Variants in GRM7 observed in about 807,000 individuals in gnomAD.
GRM7 encodes the protein metabotropic glutamate receptor 7.
Under a neutral mutation model 84.5 loss-of-function variants are expected in GRM7, and 35 were observed. The ratio of observed to expected loss-of-function variants is 0.41; its 90% CI spans 0.32 to 0.55. GRM7 has a LOEUF of 0.55. Ranked by LOEUF, GRM7 falls within the 20% of genes least tolerant of loss-of-function variation. The probability of loss-of-function intolerance (pLI) is 0.19; values close to 1 mark genes in which losing one functional copy is unlikely to be tolerated. For missense variants in GRM7, 1,003 were observed against 1,194.6 expected (o/e 0.84, Z 2.36); for synonymous variants, 487 against 455.1 (o/e 1.07, Z -0.89).
chr3:7,379,165 C>T (rs143335232), intron 4 of GRM7, among the ~76,000 whole-genome samples: 3,909 of 152,180 alleles, frequency 0.026, 165 homozygotes, highest in African/African-American at 0.089. Flanking sequence ...CTCTGCCTCT[C>T]AGGTTCAAGC....
chr3:7,096,102 A>C (rs1255878632), intron 1 of GRM7, among the ~76,000 whole-genome samples: 1 of 152,128 alleles, frequency 6.6e-6, no homozygotes, highest in Non-Finnish European at 1.5e-5. Context: ...AAGTTCTATC[A>C]TGCCAGTGAA....
At chr3:7,010,101 G>A (rs1258916935) in intron 1 of GRM7, among the ~76,000 whole-genome samples, 2 of 152,188 alleles carry the variant, frequency 1.3e-5, no homozygotes, top group African/African-American at 4.8e-5. Context: ...GTGTGGGCCA[G>A]TAGATAGAAA....
intron 1 of GRM7, among the ~76,000 whole-genome samples, chr3:6,941,783 T>C (rs1227240279): frequency 6.6e-6 from 1 of 152,228 alleles, no homozygotes; most frequent in Non-Finnish European, 1.5e-5. Flanking sequence ...CATATATTCA[T>C]GAGGCATTTG....
intron 8 of GRM7, chr3:7,607,621 C>T (rs1696643468): frequency 6.6e-6 from 1 of 151,830 alleles, no homozygotes; most frequent in Admixed American, 6.6e-5. Flanking sequence ...AGTAAATAGC[C>T]ACTGTTGCAC....
intron 4 of GRM7, among the ~76,000 whole-genome samples, chr3:7,348,786 GT>G: frequency 6.6e-6 from 1 of 152,102 alleles, no homozygotes; most frequent in East Asian, 1.9e-4. Context: ...GGCAATCTGT[GT>G]TTGTACAAGC....
rs1694766010 is a variant in GRM7 at position 6,861,871 on chromosome 3, C to A, written c.483C>A (p.Val161=). Residue 161 remains valine (V), a synonymous_variant, in exon 1 of 10, where the codon GTC becomes GTA. Coordinates refer to ENST00000357716, the MANE Select transcript of GRM7 (RefSeq NM_000844.4). This position sits in a 1 kb window ranked among gnomAD's most constrained non-coding sequence, Gnocchi z 6.4. ...VGVIGASGSS[V]SIMVANILRL... The stretch of plus-strand genomic sequence containing the variant: ...TGATTGGGGCTTCGGGGAGTTCGGT[C>A]TCCATCATGGTAGCCAACATCCTGA... 3 of 1,613,690 alleles carry A rather than the reference C, an allele frequency of 1.9e-6. No homozygotes were observed. The highest frequency in any genetic ancestry group is 2.5e-6 in the Non-Finnish European group (3 of 1,179,838).
At chr3:7,212,198 T>C (rs1013673022) in intron 2 of GRM7, among the ~76,000 whole-genome samples, 25 of 150,308 alleles carry the variant, frequency 1.7e-4, no homozygotes, top group African/African-American at 5.8e-4. Flanking sequence ...CTTTGGGTCT[T>C]TTTTTTTTTT....
Position 7,515,232 on chromosome 3 carries a change from A to G in GRM7, c.1515+53510A>G, listed in dbSNP as rs547347428. Among the ~76,000 whole-genome samples, 5 of 150,260 alleles carry G rather than the reference A, an allele frequency of 3.3e-5. No homozygotes were observed. In the South Asian group the frequency reaches 8.4e-4, roughly 25 times the overall value. On this transcript the variant is annotated intron_variant, in intron 7 of 9. Coordinates refer to ENST00000357716, the MANE Select transcript of GRM7 (RefSeq NM_000844.4). ...AGGACAAAAAAAAAAAAAAAAAGACATCAAATATTTTCTCTTAACTCAGTT... is the reference window on the plus strand; with the variant it reads ...AGGACAAAAAAAAAAAAAAAAAGACGTCAAATATTTTCTCTTAACTCAGTT...
At chr3:7,228,235 G>A (rs1237633127) in intron 2 of GRM7, among the ~76,000 whole-genome samples, 1 of 152,098 alleles carries the variant, frequency 6.6e-6, no homozygotes, top group African/African-American at 2.4e-5. Flanking sequence ...GGCAAAGCTA[G>A]GCATTGCATC....
intron 1 of GRM7, among the ~76,000 whole-genome samples, chr3:6,971,469 C>A: frequency 6.6e-6 from 1 of 152,166 alleles, no homozygotes; most frequent in East Asian, 1.9e-4. Context: ...AGCCCTCCTA[C>A]AAAACCCCAA....
intron 1 of GRM7, among the ~76,000 whole-genome samples, chr3:6,878,425 T>C (rs192060003): frequency 1.1e-3 from 158 of 147,128 alleles, no homozygotes; most frequent in African/African-American, 4.0e-3. Flanking sequence ...GTAGTATTTT[T>C]TCTTCTGAAG....
At chr3:7,616,998 C>T (rs111832130) in intron 8 of GRM7, among the ~76,000 whole-genome samples, 68 of 152,150 alleles carry the variant, frequency 4.5e-4, no homozygotes, top group South Asian at 2.3e-3. Context: ...TTTGAAAAAA[C>T]AGTGTTAGTG....
At chr3:7,346,274 G>C (rs1692891937) in intron 4 of GRM7, among the ~76,000 whole-genome samples, 1 of 152,112 alleles carries the variant, frequency 6.6e-6, no homozygotes, top group Non-Finnish European at 1.5e-5. Context: ...TCACCAATTT[G>C]ATGTGTTCCA....
intron 8 of GRM7, among the ~76,000 whole-genome samples, chr3:7,614,985 C>A (rs560399665): frequency 5.9e-5 from 9 of 152,072 alleles, no homozygotes; most frequent in Non-Finnish European, 1.5e-5. Context: ...TGTGTCATAC[C>A]CTTTGGGCAG....
intron 9 of GRM7, among the ~76,000 whole-genome samples, chr3:7,702,750 C>T (rs1218132622): frequency 2.0e-5 from 3 of 152,154 alleles, no homozygotes; most frequent in Non-Finnish European, 2.9e-5. Context: ...AGATTTTCAT[C>T]TAATTGCGAA....
chr3:7,567,067 G>T (rs1450374265), intron 7 of GRM7, among the ~76,000 whole-genome samples: 1 of 152,134 alleles, frequency 6.6e-6, no homozygotes, highest in Non-Finnish European at 1.5e-5. Context: ...TAACAAACTT[G>T]TGTTCCATTA....
intron 8 of GRM7, among the ~76,000 whole-genome samples, chr3:7,674,395 T>A (rs1472114374): frequency 6.6e-6 from 1 of 152,156 alleles, no homozygotes; most frequent in Non-Finnish European, 1.5e-5. Flanking sequence ...TTTTGCCACA[T>A]TGGCCAGGCT....
At chr3:7,066,802 C>A (rs945532083) in intron 1 of GRM7, among the ~76,000 whole-genome samples, 13 of 151,930 alleles carry the variant, frequency 8.6e-5, no homozygotes, top group Non-Finnish European at 1.8e-4. Context: ...GAATCCAAAG[C>A]ATATCAAAAA....
intron 7 of GRM7, among the ~76,000 whole-genome samples, chr3:7,470,879 A>G (rs1040674195): frequency 2.6e-5 from 4 of 152,040 alleles, no homozygotes; most frequent in Non-Finnish European, 5.9e-5. Flanking sequence ...AAAATTCTAG[A>G]ATGACCTGGT....
Sources: gnomAD v4.1 joint callset for allele counts (sites outside exome capture counted in the v4.1 genomes callset) on GRCh38, gnomAD v4.1.1 for gene constraint, Gnocchi (gnomAD v3.1) non-coding constraint, MANE v1.5 for transcripts, NCBI Gene and HGNC (gene_info 2026-07-23, HGNC 2026-07-21) for gene names.